SLC2A9: variants seen among roughly 807,000 people sequenced by gnomAD.
The protein encoded by SLC2A9 is solute carrier family 2 member 9, also known as solute carrier family 2, facilitated glucose transporter member 9.
Under a neutral mutation model 50.6 loss-of-function variants are expected in SLC2A9, and 39 were observed. That is an observed-to-expected ratio of 0.77 (90% CI 0.60 to 1.01). SLC2A9 has a LOEUF of 1.01. Among genes scored for constraint, SLC2A9 ranks in the 50% least tolerant of loss-of-function variants. SLC2A9 has a pLI of 0.00. For synonymous variants in SLC2A9, 324 were observed against 276.9 expected (o/e 1.17, Z -1.69); for missense variants, 686 against 677.6 (o/e 1.01, Z -0.14).
intron 3 of SLC2A9, among the ~76,000 whole-genome samples, chr4:9,814,002 T>A (rs1381392251): frequency 6.6e-6 from 1 of 152,014 alleles, no homozygotes; most frequent in African/African-American, 2.4e-5. Context: ...GATCCAGGCG[T>A]GGTGGCACAT....
intron 9 of SLC2A9, among the ~76,000 whole-genome samples, chr4:9,889,186 G>A (rs1446772130): frequency 2.1e-5 from 3 of 145,908 alleles, no homozygotes; most frequent in African/African-American, 7.7e-5. Context: ...AGGAAGAGGT[G>A]TCCAGGAATG....
Position 9,980,691 on chromosome 4 carries a change from G to A in SLC2A9, c.582C>T (p.Pro194=), listed in dbSNP as rs1560428114. ...GCCCCAGAGAGCCACGGATCTCCTT[G>A]GGTGAGATCTCACTAAGGTACATGG... ...VLPMYLSEIS[P]KEIRGSLGQV... Residue 194 remains proline (P), a synonymous_variant, in exon 5 of 12, where the codon CCC becomes CCT. Transcript: ENST00000264784. 5.0e-6 allele frequency: 8 copies of A among 1,614,126 alleles called. No individual in the cohort carries two copies. The highest frequency in any genetic ancestry group is 6.8e-6 in the Non-Finnish European group (8 of 1,180,014).
At chr4:9,799,701 C>CCCCCAA (rs1553813271) in intron 3 of SLC2A9, among the ~76,000 whole-genome samples, 1 of 33,674 alleles carries the variant, frequency 3.0e-5, no homozygotes, top group Non-Finnish European at 1.2e-4. Flanking sequence ...TACCCCCCCC[C>CCCCCAA]CACCCAACTT....
At chr4:9,794,288 G>A (rs1438243676), downstream of SLC2A9, among the ~76,000 whole-genome samples, 1 of 152,144 alleles carries the variant, frequency 6.6e-6, no homozygotes, top group African/African-American at 2.4e-5. Flanking sequence ...CCGCGTAGCT[G>A]GGATTACAGG....
intron 5 of SLC2A9, 117 bp from the exon 6 acceptor site, chr4:9,942,162 C>G: frequency 7.8e-7 from 1 of 1,289,824 alleles, no homozygotes; most frequent in Non-Finnish European, 1.1e-6. Context: ...AGCATGATCC[C>G]CAGGAACAAA....
At chr4:9,807,398 CT>C (rs1286856450) in intron 3 of SLC2A9, among the ~76,000 whole-genome samples, 1 of 152,220 alleles carries the variant, frequency 6.6e-6, no homozygotes, top group Non-Finnish European at 1.5e-5. Context: ...AAGCTACCCC[CT>C]GATCTCCCCC....
chr4:9,920,658 C>T, intron 6 of SLC2A9, 86 bp from the exon 7 acceptor site: 1 of 1,506,584 alleles, frequency 6.6e-7, no homozygotes, highest in East Asian at 2.3e-5. Flanking sequence ...ACGGGTCCCA[C>T]CTCCTAGCCA....
At chr4:9,996,664 A>C (rs1758726947) in intron 3 of SLC2A9, 117 bp downstream of exon 3, 2 of 1,277,346 alleles carry the variant, frequency 1.6e-6, no homozygotes. Flanking sequence ...TGGGCATTTG[A>C]ATCTCTCCAG....
At chr4:10,014,471 T>C (rs560086816) in intron 2 of SLC2A9, among the ~76,000 whole-genome samples, 2 of 152,280 alleles carry the variant, frequency 1.3e-5, no homozygotes, top group South Asian at 2.1e-4. Flanking sequence ...GCCTGGGTGG[T>C]GCTGGATCAT....
chr4:9,820,765 C>T (rs1480193906), intron 3 of SLC2A9, among the ~76,000 whole-genome samples: 1 of 152,154 alleles, frequency 6.6e-6, no homozygotes, highest in East Asian at 1.9e-4. Flanking sequence ...CAGAGAAATA[C>T]AATGAATATT....
chr4:9,958,439 A>G (rs1751680644), intron 5 of SLC2A9, among the ~76,000 whole-genome samples: 1 of 152,228 alleles, frequency 6.6e-6, no homozygotes, highest in Non-Finnish European at 1.5e-5. Context: ...TGGGAGTTGA[A>G]CAATGAGAAC....
intron 10 of SLC2A9, among the ~76,000 whole-genome samples, chr4:9,882,975 G>C (rs112740965): frequency 5.9e-5 from 9 of 152,292 alleles, no homozygotes; most frequent in African/African-American, 2.2e-4. Context: ...TAGCTTGCTG[G>C]AAAATGTCAG....
At chr4:10,032,309 C>T (rs73229836) in intron 1 of SLC2A9, among the ~76,000 whole-genome samples, 7,392 of 151,980 alleles carry the variant, frequency 0.049, 259 homozygotes, top group Non-Finnish European at 0.081. Flanking sequence ...GGGTGGGGGT[C>T]CAGGCAGAAG....
chr4:9,888,376 T>C (rs116994973), intron 9 of SLC2A9, among the ~76,000 whole-genome samples: 104 of 152,032 alleles, frequency 6.8e-4, no homozygotes, highest in East Asian at 6.4e-3. Flanking sequence ...TATTATTACA[T>C]AAAGGACCTT....
At chr4:9,796,121 C>A (rs1295884828), downstream of SLC2A9, among the ~76,000 whole-genome samples, 1 of 152,180 alleles carries the variant, frequency 6.6e-6, no homozygotes. Context: ...CACTGAACCC[C>A]CTGCCTCTCA....
intron 6 of SLC2A9, among the ~76,000 whole-genome samples, chr4:9,934,376 C>T (rs1030183070): frequency 1.3e-5 from 2 of 152,222 alleles, no homozygotes; most frequent in African/African-American, 4.8e-5. Context: ...TTCTTGACCA[C>T]AGATGGCTTT....
chr4:9,774,068 C>T (rs548665969), intron 1 of SLC2A9, among the ~76,000 whole-genome samples: 15 of 148,930 alleles, frequency 1.0e-4, no homozygotes, highest in African/African-American at 3.7e-4. Flanking sequence ...GATCTCGCCT[C>T]ACTGGAATCT....
intron 5 of SLC2A9, among the ~76,000 whole-genome samples, chr4:9,965,027 C>T (rs1578113006): frequency 6.6e-6 from 1 of 152,218 alleles, no homozygotes; most frequent in South Asian, 2.1e-4. Flanking sequence ...ACATAAATGA[C>T]GCGATGACTG....
At chr4:10,001,827 C>T (rs141562596) in intron 2 of SLC2A9, among the ~76,000 whole-genome samples, 2,099 of 152,312 alleles carry the variant, frequency 0.014, 21 homozygotes, top group Middle Eastern at 0.054. Flanking sequence ...CATCAGAAGC[C>T]CTCTTCCCGC....
Sources: gnomAD v4.1 joint callset for allele counts (sites outside exome capture counted in the v4.1 genomes callset) on GRCh38, gnomAD v4.1.1 for gene constraint, MANE v1.5 for transcripts, NCBI Gene and HGNC (gene_info 2026-07-23, HGNC 2026-07-21) for gene names.